SYNE2: variants seen among roughly 807,000 people sequenced by gnomAD.
SYNE2 encodes the protein spectrin repeat containing nuclear envelope protein 2, also known as nesprin-2.
A neutral mutation model predicts 856.3 loss-of-function variants in SYNE2; 431 were observed. That is an observed-to-expected ratio of 0.50 (90% confidence interval 0.47 to 0.55). The LOEUF is 0.55. SYNE2 is among the 20% of genes least tolerant of loss of function. The probability of loss-of-function intolerance (pLI) is 0.00; values close to 1 mark genes in which losing one functional copy is unlikely to be tolerated. For synonymous variants in SYNE2, 2,923 were observed against 2,872.3 expected (o/e 1.02, Z -0.56); for missense variants, 8,129 against 8,023.2 (o/e 1.01, Z -0.50).
intron 98 of SYNE2, among the ~76,000 whole-genome samples, chr14:64,189,633 A>T (rs1421861655): frequency 6.6e-6 from 1 of 152,212 alleles, no homozygotes; most frequent in African/African-American, 2.4e-5. Flanking sequence ...CTTTTGCCTG[A>T]TGCGCGTTGC....
At chr14:63,975,095 A>T (rs2153464160) in intron 11 of SYNE2, among the ~76,000 whole-genome samples, 1 of 150,588 alleles carries the variant, frequency 6.6e-6, no homozygotes, top group East Asian at 2.0e-4. Flanking sequence ...GCTTTTATTT[A>T]TCTGGTTTAC....
At chr14:64,049,179 C>T (rs1249370181) in intron 46 of SYNE2, 2 of 152,210 alleles carry the variant, frequency 1.3e-5, no homozygotes, top group Non-Finnish European at 2.9e-5. Flanking sequence ...TGTGGTAGCT[C>T]ATGGCTGTCA....
chr14:63,762,235 C>A (rs1031615016), intron 1 of SYNE2: 1 of 204,258 alleles, frequency 4.9e-6, no homozygotes, highest in African/African-American at 2.3e-5. Flanking sequence ...GAGTTTCAGA[C>A]CAGCCTTGAC....
intron 87 of SYNE2, 150 bp downstream of exon 87, chr14:64,159,592 T>G (rs1449841000): frequency 6.6e-6 from 6 of 911,936 alleles, no homozygotes; most frequent in Admixed American, 2.1e-5. Flanking sequence ...ATGAATCTAG[T>G]CTATGTAAGA....
At chr14:63,880,061 T>C (rs2094823630) in intron 1 of SYNE2, among the ~76,000 whole-genome samples, 1 of 152,190 alleles carries the variant, frequency 6.6e-6, no homozygotes, top group Non-Finnish European at 1.5e-5. Context: ...AGGGTTGACA[T>C]TAAGTGGTTT....
intron 65 of SYNE2, among the ~76,000 whole-genome samples, chr14:64,111,160 G>A (rs1326191751): frequency 6.6e-6 from 1 of 150,836 alleles, no homozygotes; most frequent in African/African-American, 2.4e-5. Context: ...GAGCCCAGAA[G>A]TTAGAGACCC....
At chr14:63,980,336 A>C (rs575785435) in intron 14 of SYNE2, among the ~76,000 whole-genome samples, 2 of 152,220 alleles carry the variant, frequency 1.3e-5, no homozygotes, top group African/African-American at 4.8e-5. Context: ...AATATTAAGG[A>C]AATGTGCAAA....
At chr14:63,901,391 A>C (rs2095335139) in intron 1 of SYNE2, among the ~76,000 whole-genome samples, 1 of 152,242 alleles carries the variant, frequency 6.6e-6, no homozygotes. Flanking sequence ...TAAAAGCCAA[A>C]TTGTTATTTC....
upstream of SYNE2, among the ~76,000 whole-genome samples, chr14:63,851,633 G>A (rs1446813191): frequency 6.6e-6 from 1 of 152,138 alleles, no homozygotes; most frequent in Non-Finnish European, 1.5e-5. Flanking sequence ...GTTCCAAATT[G>A]TGGGTACAAC....
intron 100 of SYNE2, 48 bp downstream of exon 100, chr14:64,203,011 A>G (rs775678641): frequency 1.2e-6 from 2 of 1,607,608 alleles, no homozygotes; most frequent in Non-Finnish European, 8.5e-7. Context: ...TGTCCGCGAT[A>G]TGCACTGACT....
chr14:64,001,514 G>A (rs1223375345), intron 28 of SYNE2, among the ~76,000 whole-genome samples: 1 of 152,166 alleles, frequency 6.6e-6, no homozygotes, highest in African/African-American at 2.4e-5. Context: ...GTGAAACACT[G>A]TCTGTACTAA....
intron 35 of SYNE2, among the ~76,000 whole-genome samples, 158 bp from the exon 36 acceptor site, chr14:64,021,157 T>C (rs1206961744): frequency 2.0e-5 from 3 of 152,176 alleles, no homozygotes; most frequent in African/African-American, 7.2e-5. Flanking sequence ...AAAGGCAAAA[T>C]TCAAATTGTA....
chr14:63,849,265 C>CT (rs35001530), upstream of SYNE2, among the ~76,000 whole-genome samples: 14,379 of 127,040 alleles, frequency 0.11, 1,140 homozygotes, highest in African/African-American at 0.21. Flanking sequence ...AGTTAATCTC[C>CT]TTTTTTTTTT....
chr14:63,871,735 C>G (rs988683944), intron 1 of SYNE2, among the ~76,000 whole-genome samples: 1 of 151,808 alleles, frequency 6.6e-6, no homozygotes, highest in Non-Finnish European at 1.5e-5. Flanking sequence ...CTTAAGCTGC[C>G]TGCCTGCCTC....
chr14:64,106,137 C>A (rs866004634), intron 64 of SYNE2, among the ~76,000 whole-genome samples: 5 of 148,256 alleles, frequency 3.4e-5, no homozygotes, highest in East Asian at 2.0e-4. Context: ...TCCAGACCCC[C>A]CCCCCCAACC....
In SYNE2 at chr14:63,993,261, T is replaced by C. The variant is rs563084088; in HGVS notation, c.2647-574T>C. On this transcript the variant is annotated intron_variant, in intron 21 of 115. Transcript: ENST00000555002. ...CTTGGCCAGGCATGTGGCTCACACC[T>C]ATAATCCCAGCATTTTGGGAGGTTG... 7.9e-5 allele frequency among the ~76,000 whole-genome samples: 12 copies of C among 152,338 alleles called. No individual in the cohort carries two copies. The South Asian group carries it at 2.1e-3, about 26-fold the overall frequency.
chr14:64,186,331 C>G, intron 96 of SYNE2, 93 bp from the exon 97 acceptor site: 1 of 1,544,778 alleles, frequency 6.5e-7, no homozygotes, highest in Admixed American at 1.7e-5. Flanking sequence ...CCTCCCCTCC[C>G]CCAGAGTCTA....
intron 25 of SYNE2, 99 bp from the exon 26 acceptor site, chr14:63,998,120 T>C (rs1162654604): frequency 6.7e-6 from 6 of 899,084 alleles, no homozygotes; most frequent in Admixed American, 1.8e-5. Flanking sequence ...GTTTGAGGTA[T>C]AAAGAATCAA....
chr14:63,833,089 A>G (rs113847794), intron 1 of SYNE2, among the ~76,000 whole-genome samples: 9,222 of 151,802 alleles, frequency 0.061, 297 homozygotes, highest in Middle Eastern at 0.099. Context: ...CACACCTGTA[A>G]TCCTAGCACT....
Sources: allele counts gnomAD v4.1 joint callset (sites outside exome capture counted in the v4.1 genomes callset), GRCh38; gene constraint gnomAD v4.1.1; transcripts MANE v1.5; gene names NCBI Gene and HGNC (gene_info 2026-07-23, HGNC 2026-07-21).